EED: variants seen among roughly 807,000 people sequenced by gnomAD.
EED encodes the protein embryonic ectoderm development.
A neutral mutation model predicts 61.0 loss-of-function variants in EED; 9 were observed. That is an observed-to-expected ratio of 0.15 (90% CI 0.09 to 0.26). The LOEUF (loss-of-function observed/expected upper bound fraction) is 0.26. Among genes scored for constraint, EED ranks in the 10% least tolerant of loss-of-function variants. The pLI is 1.00. For synonymous variants in EED, 187 were observed against 174.4 expected (o/e 1.07, Z -0.57); for missense variants, 315 against 542.3 (o/e 0.58, Z 4.16).
intron 6 of EED, among the ~76,000 whole-genome samples, chr11:86,258,813 C>G (rs1011305083): frequency 1.8e-4 from 27 of 151,912 alleles, no homozygotes; most frequent in Admixed American, 1.4e-3. Flanking sequence ...GTCTCAGCCT[C>G]CTAAAGTGCT....
intron 7 of EED, 27 bp from the exon 8 acceptor site, chr11:86,266,056 T>C: frequency 6.4e-7 from 1 of 1,556,170 alleles, no homozygotes; most frequent in South Asian, 1.2e-5. Context: ...CTGTAATTTA[T>C]ATAAAACTTT....
chr11:86,279,622 A>G (rs1211835657), downstream of EED, among the ~76,000 whole-genome samples: 1 of 152,172 alleles, frequency 6.6e-6, no homozygotes, highest in Non-Finnish European at 1.5e-5. Flanking sequence ...AATACAAAAG[A>G]CTGAATTTTG....
At chr11:86,280,292 T>C (rs1028233772), downstream of EED, among the ~76,000 whole-genome samples, 1 of 152,164 alleles carries the variant, frequency 6.6e-6, no homozygotes, top group African/African-American at 2.4e-5. Context: ...GGTTTTATCA[T>C]GTTGACCAGG....
chr11:86,278,523 T>C lies in EED; in HGVS notation c.1324T>C (p.Ter442GlnextTer5). The C allele has an allele frequency of 6.2e-7, 1 of 1,612,952 alleles. No homozygotes were observed. Among genetic ancestry groups the C allele is most frequent in the Non-Finnish European group, 8.5e-7 (1 of 1,179,482 alleles). ...TATTTGGCGCTGGGATCGACTTCGA[T>C]AAAATACTTTTGCCTAATCAAAATT... ...ASIWRWDRLR[*>Q] The change falls in exon 12 of 12, where the codon TAA (stop) becomes CAA (glutamine). Residue 442 changes from the stop codon to glutamine, a stop_lost. Transcript: ENST00000263360.
At chr11:86,276,438 A>C (rs975928261) in intron 9 of EED, 1 of 152,226 alleles carries the variant, frequency 6.6e-6, no homozygotes, top group African/African-American at 2.4e-5. Context: ...TGAGTTCATC[A>C]ACTTTCCTAA....
Position 86,252,247 on chromosome 11 carries a change from G to A in EED, c.360+7G>A. 2.5e-6 allele frequency: 4 copies of A among 1,585,852 alleles called. No individual in the cohort carries two copies. Among genetic ancestry groups the A allele is most frequent in the East Asian group, 2.2e-5 (1 of 44,584 alleles). ...AACTGTAGGAAGCAACAGAGTGAGT[G>A]TTAAGGGGTCTATTTAGTATTTGGC... On this transcript the variant is annotated splice_region_variant and intron_variant, in intron 3 of 11. Coordinates refer to ENST00000263360, the MANE Select transcript of EED (RefSeq NM_003797.5).
intron 5 of EED, 144 bp from the exon 6 acceptor site, chr11:86,257,371 A>G (rs1445324334): frequency 2.5e-6 from 1 of 398,390 alleles, no homozygotes; most frequent in East Asian, 4.2e-5. Flanking sequence ...TTTTCACCTC[A>G]AGTTTGTTGG....
At chr11:86,281,037 T>G (rs1216017840), downstream of EED, among the ~76,000 whole-genome samples, 1 of 152,234 alleles carries the variant, frequency 6.6e-6, no homozygotes, top group African/African-American at 2.4e-5. Flanking sequence ...TGGTGGATGA[T>G]TCTTTTAATG....
At position 86,245,253 on chromosome 11, in the gene EED, T is replaced by A; in HGVS notation, c.24T>A (p.Thr8=). MSEREVS[T]APAGTDMPAA... ...ATATGTCCGAGAGGGAAGTGTCGACTGCGCCGGCGGGAACAGACATGCCTG... is the reference window on the plus strand; with the variant it reads ...ATATGTCCGAGAGGGAAGTGTCGACAGCGCCGGCGGGAACAGACATGCCTG... The change falls in exon 1 of 12, where the codon ACT becomes ACA. Residue 8 remains threonine (T), a synonymous_variant. Coordinates refer to ENST00000263360, the MANE Select transcript of EED (RefSeq NM_003797.5). The A allele has an allele frequency of 6.2e-7, 1 of 1,613,164 alleles. No individual in the cohort carries two copies. Among genetic ancestry groups the A allele is most frequent in the Non-Finnish European group, 8.5e-7 (1 of 1,179,854 alleles).
chr11:86,246,722 C>G (rs539061232), intron 1 of EED, among the ~76,000 whole-genome samples: 1 of 152,240 alleles, frequency 6.6e-6, no homozygotes, highest in East Asian at 1.9e-4. Context: ...CATTTTATTT[C>G]TGCGTTTTCT....
At chr11:86,284,601 C>T in the EED span, 2 of 152,272 alleles carry the variant, frequency 1.3e-5, no homozygotes, top group Non-Finnish European at 2.9e-5. Flanking sequence ...GTCATGATGA[C>T]ATATGCCAGA....
At chr11:86,247,291 C>G (rs532353906) in intron 1 of EED, among the ~76,000 whole-genome samples, 2 of 152,138 alleles carry the variant, frequency 1.3e-5, no homozygotes, top group Non-Finnish European at 2.9e-5. Context: ...CTTGTAGAGT[C>G]TTCTCAAAAT....
At chr11:86,286,211 T>G in the EED span, among the ~76,000 whole-genome samples, 1 of 151,806 alleles carries the variant, frequency 6.6e-6, no homozygotes, top group Non-Finnish European at 1.5e-5. Flanking sequence ...TTTTTTTTTT[T>G]GGTATCGTTA....
intron 1 of EED, among the ~76,000 whole-genome samples, chr11:86,245,988 G>A (rs928569314): frequency 6.6e-6 from 1 of 152,086 alleles, no homozygotes; most frequent in Admixed American, 6.5e-5. Context: ...TTCTTTGAAC[G>A]TTTTTACTTA....
chr11:86,258,449 G>A (rs1315259898), intron 6 of EED, among the ~76,000 whole-genome samples: 1 of 151,772 alleles, frequency 6.6e-6, no homozygotes, highest in Non-Finnish European at 1.5e-5. Flanking sequence ...CTTGTCTCTT[G>A]ATAACACTAA....
In EED at chr11:86,250,280, C is replaced by T; in HGVS notation, c.115-16C>T. ...ATTGCTGTTTCATGTAATTTTTCCT[C>T]ATTTACTGCTTACAGGATGACGCTG... On this transcript the variant is annotated splice_polypyrimidine_tract_variant and intron_variant, in intron 1 of 11. Coordinates refer to ENST00000263360, the MANE Select transcript of EED (RefSeq NM_003797.5). 6.7e-7 allele frequency: 1 copy of T among 1,484,448 alleles called. No individual in the cohort carries two copies. Among genetic ancestry groups the T allele is most frequent in the Non-Finnish European group, 9.0e-7 (1 of 1,115,946 alleles). The allele number at this position is 1,484,448 out of a possible 1,614,324, so 92.0% of individuals were successfully genotyped here. A position where few individuals can be genotyped will look rare whatever the true frequency, so the allele number is the denominator to read the frequency against.
In EED at chr11:86,245,047, A is replaced by C; in HGVS notation, c.-183A>C. ...CGCGCGCGCGCGCCCCTTTTTCAGCAGTGTGGCGGGGTCGCACGCACGCCC... is the reference window on the plus strand; with the variant it reads ...CGCGCGCGCGCGCCCCTTTTTCAGCCGTGTGGCGGGGTCGCACGCACGCCC... On this transcript the variant is annotated 5_prime_UTR_variant, in exon 1 of 12. Coordinates refer to ENST00000263360, the MANE Select transcript of EED (RefSeq NM_003797.5). 2 of 490,026 alleles carry C rather than the reference A, an allele frequency of 4.1e-6. No individual in the cohort carries two copies. Among genetic ancestry groups the C allele is most frequent in the Non-Finnish European group, 7.3e-6 (2 of 275,446 alleles). 30.4% of individuals were successfully genotyped at this position (490,026 alleles called of 1,614,324 possible). A position where few individuals can be genotyped will look rare whatever the true frequency, so the allele number is the denominator to read the frequency against.
chr11:86,277,734 T>G, intron 10 of EED, 184 bp from the exon 11 acceptor site: 1 of 398,080 alleles, frequency 2.5e-6, no homozygotes, highest in Non-Finnish European at 4.3e-6. Flanking sequence ...AAGACACTTG[T>G]GATGTATTAA....
intron 1 of EED, among the ~76,000 whole-genome samples, chr11:86,249,334 T>C (rs1945467526): frequency 7.1e-6 from 1 of 140,486 alleles, no homozygotes; most frequent in Non-Finnish European, 1.5e-5. Flanking sequence ...AATTTAAAAA[T>C]AGCCCCTAAA....
Sources: allele counts gnomAD v4.1 joint callset (sites outside exome capture counted in the v4.1 genomes callset), GRCh38; gene constraint gnomAD v4.1.1; transcripts MANE v1.5; gene names NCBI Gene and HGNC (gene_info 2026-07-23, HGNC 2026-07-21).